The following LTBP4 variants were observed in gnomAD, a reference collection of about 807,000 sequenced individuals.
LTBP4 encodes latent transforming growth factor beta binding protein 4.
A neutral mutation model predicts 180.2 loss-of-function variants in LTBP4; 93 were observed. The observed-to-expected ratio is 0.52, with a 90% CI of 0.44 to 0.61. LTBP4 has a LOEUF of 0.61. Ranked by LOEUF, LTBP4 falls within the 20% of genes least tolerant of loss-of-function variation. The pLI is 0.00. For synonymous variants in LTBP4, 947 were observed against 934.5 expected (o/e 1.01, Z -0.24); for missense variants, 2,116 against 2,256.5 (o/e 0.94, Z 1.26).
chr19:40,619,865 C>T (rs2604908), intron 22 of LTBP4, among the ~76,000 whole-genome samples: 152,357 of 152,364 alleles, frequency 1, 76,175 homozygotes, highest in Non-Finnish European at 1. Context: ...AAGACTGTGA[C>T]GGGGAAAGCC....
At chr19:40,618,668 A>G (rs1168277491) in intron 21 of LTBP4, among the ~76,000 whole-genome samples, 1 of 152,358 alleles carries the variant, frequency 6.6e-6, no homozygotes, top group Non-Finnish European at 1.5e-5. Context: ...GGCATGAGCC[A>G]TTGTACCCTA....
Position 40,622,523 on chromosome 19 carries a change from C to T in LTBP4, c.3340C>T (p.Arg1114Trp), listed in dbSNP as rs760834066. Residue 1114 changes from arginine to tryptophan, a missense_variant, in exon 23 of 30, where the codon CGG becomes TGG. This residue lies in a region of LTBP4 where 278 missense variants were observed against 373.0 expected (regional missense o/e 0.75). Transcript: ENST00000396819. This position sits in a 1 kb window ranked among gnomAD's most constrained non-coding sequence, Gnocchi z 5.1. ...PRQGPVGSGR[R>W]ECYFDTAAPD... ...GCAGGGCCCTGTGGGGAGTGGGCGC[C>T]GGGAGTGCTACTTTGACACAGCGGC... The T allele has an allele frequency of 1.2e-5, 19 of 1,613,598 alleles. No homozygotes were observed. The East Asian group carries it at 2.5e-4, about 21-fold the overall frequency.
At chr19:40,607,667 C>T in intron 7 of LTBP4, 138 bp downstream of exon 7, 1 of 941,750 alleles carries the variant, frequency 1.1e-6, no homozygotes, top group Admixed American at 2.8e-5. Context: ...GCCTCTGAGA[C>T]CCGCAGGCCT....
intron 26 of LTBP4, among the ~76,000 whole-genome samples, chr19:40,624,434 C>T (rs2081610294): frequency 1.3e-5 from 2 of 152,202 alleles, no homozygotes; most frequent in South Asian, 2.1e-4. Context: ...GCTCTTGTTG[C>T]CCAGGCTAGA....
intron 19 of LTBP4, among the ~76,000 whole-genome samples, chr19:40,615,893 A>G (rs1214964352): frequency 6.6e-6 from 1 of 152,228 alleles, no homozygotes; most frequent in African/African-American, 2.4e-5. Flanking sequence ...CAGTTGGCAT[A>G]CCAATAAATA....
Position 40,626,011 on chromosome 19 carries a change from T to G in LTBP4, c.3985+2T>G. On this transcript the variant is annotated splice_donor_variant, in intron 27 of 29. Coordinates refer to ENST00000396819, the MANE Select transcript of LTBP4 (RefSeq NM_001042545.2). LOFTEE classifies it high-confidence loss of function. ...CCCTCTGCCCTGCGCAGGACTCAGG[T>G]GCTGGCACTGGCCTAGGCTGAACTC... 1.3e-6 allele frequency: 2 copies of G among 1,596,806 alleles called. No homozygotes were observed. Among genetic ancestry groups the G allele is most frequent in the Non-Finnish European group, 1.7e-6 (2 of 1,173,262 alleles).
chr19:40,608,042 C>T (rs546766814), intron 7 of LTBP4, among the ~76,000 whole-genome samples, 178 bp from the exon 8 acceptor site: 6 of 152,364 alleles, frequency 3.9e-5, no homozygotes, highest in Non-Finnish European at 5.9e-5. Context: ...CTTGGCCCCA[C>T]CTGTAGCCTC....
upstream of LTBP4, chr19:40,599,439 G>T (rs1401606695): frequency 6.2e-7 from 1 of 1,613,916 alleles, no homozygotes; most frequent in Admixed American, 1.7e-5. Flanking sequence ...AGGGTCCGAA[G>T]CTGCCAGCCC....
At chr19:40,601,930 G>C (rs949544395) in intron 1 of LTBP4, among the ~76,000 whole-genome samples, 7 of 151,868 alleles carry the variant, frequency 4.6e-5, no homozygotes, top group Admixed American at 1.3e-4. Context: ...CAGAATTGAG[G>C]GGCCTGAGAA....
upstream of LTBP4, chr19:40,599,488 G>GCCTGCAGTGCCCAGTCCCAGCC: frequency 6.2e-7 from 1 of 1,613,764 alleles, no homozygotes; most frequent in Non-Finnish European, 8.5e-7. Flanking sequence ...TGAACCCAGT[G>GCCTGCAGTGCCCAGTCCCAGCC]CCTGCAGTGC....
upstream of LTBP4, chr19:40,599,671 T>C: frequency 2.0e-6 from 2 of 1,019,736 alleles, no homozygotes; most frequent in Non-Finnish European, 2.9e-6. Context: ...CCTCCCCGGC[T>C]CTTTCTTTTG....
chr19:40,593,307 A>G, intron 1 of LTBP4: 2 of 1,069,118 alleles, frequency 1.9e-6, no homozygotes, highest in Non-Finnish European at 2.8e-6. Context: ...CAGTGGTGCA[A>G]TCATGGCTCA....
At chr19:40,602,598 A>G (rs1179811050) in intron 1 of LTBP4, among the ~76,000 whole-genome samples, 1 of 150,090 alleles carries the variant, frequency 6.7e-6, no homozygotes, top group Non-Finnish European at 1.5e-5. Context: ...TCTTTCTTTC[A>G]CTCTTTCCCG....
chr19:40,609,560 C>T lies in LTBP4; in HGVS notation c.1457C>T (p.Pro486Leu). ...TCCTCCGGCATGTGTCAGCGCAACC[C>T]CCAGGTCTGCGGCCCAGGACGCTGC... is the stretch of plus-strand genomic sequence containing the variant. ...GPSSGMCQRN[P>L]QVCGPGRCIS... Residue 486 changes from proline (P) to leucine (L), a missense_variant, in exon 10 of 30, where the codon CCC (proline) becomes CTC (leucine). This residue lies in a region of LTBP4 where 877 missense variants were observed against 873.6 expected (regional missense o/e 1.00). Transcript: ENST00000396819. This position sits in a 1 kb window ranked among gnomAD's most constrained non-coding sequence, Gnocchi z 4.9. 1.9e-6 allele frequency: 3 copies of T among 1,613,430 alleles called. No homozygotes were observed. Among genetic ancestry groups the T allele is most frequent in the Non-Finnish European group, 1.7e-6 (2 of 1,179,820 alleles).
At chr19:40,626,924 G>T in intron 27 of LTBP4, 51 bp from the exon 28 acceptor site, 1 of 1,495,490 alleles carries the variant, frequency 6.7e-7, no homozygotes, top group East Asian at 2.3e-5. Context: ...TGTGAGTGGT[G>T]GGTGTGGGGG....
chr19:40,601,422 T>C lies in LTBP4; in HGVS notation c.35T>C (p.Leu12Pro), dbSNP rs1012311887. 2.1e-6 allele frequency: 3 copies of C among 1,440,122 alleles called. No individual in the cohort carries two copies. In the African/African-American group the frequency reaches 4.4e-5, roughly 21 times the overall value. The allele number at this position is 1,440,122 out of a possible 1,614,324, so 89.2% of individuals were successfully genotyped here. Residue 12 changes from leucine to proline, a missense_variant, in exon 1 of 30, where the codon CTA (leucine) becomes CCA (proline). Physicochemically the swap from Leu to Pro is moderately conservative, Grantham distance 98 (BLOSUM62 -3). Around this residue, in one of 5 missense-constraint regions of LTBP4, gnomAD observed 469 missense variants for 532.5 expected, o/e 0.88. Coordinates refer to ENST00000396819, the MANE Select transcript of LTBP4 (RefSeq NM_001042545.2). ...AGGVRLLWVS[L>P]LVLLAQLGPQ... is the part of the protein sequence containing the mutation. ...GGCGTGCGGCTGCTCTGGGTGTCGC[T>C]ATTGGTGCTGCTGGCGCAGCTAGGG... is the stretch of plus-strand genomic sequence containing the variant.
Position 40,613,509 on chromosome 19 carries a change from C to T in LTBP4, c.2537C>T (p.Pro846Leu), listed in dbSNP as rs2146032844. The change falls in exon 17 of 30, where the codon CCC becomes CTC. Residue 846 changes from proline to leucine, a missense_variant. By Grantham distance (98) the Pro-to-Leu change is moderately conservative. Transcript: ENST00000396819. The surrounding 1 kb of genome is among the most constrained non-coding windows in gnomAD (Gnocchi z 5.0). The part of the protein sequence containing the change: ...CTCAPGYRPG[P>L]RGASCLDVDE... ...TGTGCCCCTGGCTACCGACCCGGACCCCGCGGAGCCTCTTGCCTCGGTTCG... is the reference window on the plus strand; with the variant it reads ...TGTGCCCCTGGCTACCGACCCGGACTCCGCGGAGCCTCTTGCCTCGGTTCG... 5 of 1,573,508 alleles carry T rather than the reference C, an allele frequency of 3.2e-6. No homozygotes were observed. The highest frequency in any genetic ancestry group is 4.3e-6 in the Non-Finnish European group (5 of 1,160,430).
In LTBP4 at chr19:40,622,294, T is replaced by G. The variant is rs1385417332; in HGVS notation, c.3218-107T>G. Reference sequence around the variant, plus strand: ...GGAGTCTGGTTCTGCCACTGATGGCTGCCACCCTCTGTTTCCCTATCTATG... The same window carrying G: ...GGAGTCTGGTTCTGCCACTGATGGCGGCCACCCTCTGTTTCCCTATCTATG... On this transcript the variant is annotated intron_variant, in intron 22 of 29. Transcript: ENST00000396819. This position sits in a 1 kb window ranked among gnomAD's most constrained non-coding sequence, Gnocchi z 5.1. 5 of 1,292,066 alleles carry G rather than the reference T, an allele frequency of 3.9e-6. No homozygotes were observed. Among genetic ancestry groups the G allele is most frequent in the Non-Finnish European group, 5.2e-6 (5 of 959,066 alleles). 80.0% of individuals were successfully genotyped at this position (1,292,066 alleles called of 1,614,324 possible). A position where few individuals can be genotyped will look rare whatever the true frequency, so the allele number is the denominator to read the frequency against.
Position 40,606,240 on chromosome 19 carries a change from C to A in LTBP4, c.801C>A (p.Ser267=). 2 of 1,588,704 alleles carry A rather than the reference C, an allele frequency of 1.3e-6. No homozygotes were observed. Among genetic ancestry groups the A allele is most frequent in the East Asian group, 4.6e-5 (2 of 43,832 alleles). Residue 267 remains serine, a synonymous_variant, in exon 5 of 30, where the codon TCC becomes TCA. Coordinates refer to ENST00000396819, the MANE Select transcript of LTBP4 (RefSeq NM_001042545.2). The part of the protein sequence containing the change: ...CQLCSERLGN[S]ERVSAPDGPC... ...CCTCTCCTCTCGCCACAGGGAACTC[C>A]GAAAGAGTGAGCGCCCCAGATGGAC...
Sources: allele counts gnomAD v4.1 joint callset (sites outside exome capture counted in the v4.1 genomes callset), GRCh38; gene constraint gnomAD v4.1.1; regional missense constraint gnomAD v4.1.1; non-coding constraint Gnocchi (gnomAD v3.1); transcripts MANE v1.5; gene names NCBI Gene and HGNC (gene_info 2026-07-23, HGNC 2026-07-21).